Variants in PCDHGA5 observed in about 807,000 individuals in gnomAD.
The protein encoded by PCDHGA5 is protocadherin gamma subfamily A, 5.
PCDHGA5 carries 36 observed loss-of-function variants against 56.7 expected under a neutral mutation model. That is an observed-to-expected ratio of 0.64 (90% CI 0.49 to 0.84). The LOEUF is 0.84. Among genes scored for constraint, PCDHGA5 ranks in the 40% least tolerant of loss-of-function variants. The pLI, the probability that PCDHGA5 is intolerant of heterozygous loss-of-function variation, is 0.00. For missense variants in PCDHGA5, 1,305 were observed against 1,201.5 expected (o/e 1.09, Z -1.27); for synonymous variants, 563 against 520.2 (o/e 1.08, Z -1.12).
rs1289513674 is a variant in PCDHGA5 at position 141,432,063 on chromosome 5, A to T, written c.2422-62744A>T. On this transcript the variant is annotated intron_variant, in intron 1 of 3. Coordinates refer to ENST00000518069, the MANE Select transcript of PCDHGA5 (RefSeq NM_018918.3). The surrounding 1 kb of genome is among the most constrained non-coding windows in gnomAD (Gnocchi z 6.0). ...CGGGGAACCCCGCCCCTATCCACGG[A>T]AACTCATATCTCGCTGAACGTGGCA... The T allele has an allele frequency of 8.7e-6, 14 of 1,614,134 alleles. No individual in the cohort carries two copies. The highest frequency in any genetic ancestry group is 1.2e-5 in the Non-Finnish European group (14 of 1,180,028).
At position 141,486,114 on chromosome 5, in the gene PCDHGA5, A is replaced by G; in HGVS notation, c.2422-8693A>G. On this transcript the variant is annotated intron_variant, in intron 1 of 3. Coordinates refer to ENST00000518069, the MANE Select transcript of PCDHGA5 (RefSeq NM_018918.3). This position sits in a 1 kb window ranked among gnomAD's most constrained non-coding sequence, Gnocchi z 5.0. ...GGGCCCCTAGACTTTGAGAGTGAGAATTACTATGAATTTGATGTGCGGGCT... is the reference window on the plus strand; with the variant it reads ...GGGCCCCTAGACTTTGAGAGTGAGAGTTACTATGAATTTGATGTGCGGGCT... 3 of 1,614,082 alleles carry G rather than the reference A, an allele frequency of 1.9e-6. No individual in the cohort carries two copies. Among genetic ancestry groups the G allele is most frequent in the South Asian group, 2.2e-5 (2 of 91,072 alleles).
chr5:141,375,938 G>A (rs1772064836), intron 1 of PCDHGA5: 1 of 1,613,558 alleles, frequency 6.2e-7, no homozygotes, highest in African/African-American at 1.3e-5. Flanking sequence ...ACTTTTCTCA[G>A]TGGGCCTGCA....
rs932792949 is a variant in PCDHGA5, at chr5:141,364,731, G to A, written c.401G>A (p.Arg134Gln). 1 of 1,613,914 alleles carries A rather than the reference G, an allele frequency of 6.2e-7. No individual in the cohort carries two copies. Among genetic ancestry groups the A allele is most frequent in the Non-Finnish European group, 8.5e-7 (1 of 1,179,856 alleles). Residue 134 changes from arginine (R) to glutamine (Q), a missense_variant, in exon 1 of 4, where the codon CGG becomes CAG. Transcript: ENST00000518069. ...IDINDNFPRFRDEELKVKVNE... is the reference protein window; with the variant it reads ...IDINDNFPRFQDEELKVKVNE... ...ATTAATGATAACTTCCCGCGTTTCC[G>A]GGATGAAGAGTTAAAAGTAAAAGTT...
Position 141,485,187 on chromosome 5 carries a change from T to A in PCDHGA5, c.2422-9620T>A, listed in dbSNP as rs1325714839. ...CGGGCGGCAGCAATGCTCCGCAAGG[T>A]GAGAAGCTGGACAGAAATCTGGCGG... On this transcript the variant is annotated intron_variant, in intron 1 of 3. Transcript: ENST00000518069. This position sits in a 1 kb window ranked among gnomAD's most constrained non-coding sequence, Gnocchi z 5.7. 1 of 1,613,502 alleles carries A rather than the reference T, an allele frequency of 6.2e-7. No individual in the cohort carries two copies. The highest frequency in any genetic ancestry group is 1.7e-5 in the Admixed American group (1 of 60,018).
chr5:141,387,780 G>T, intron 1 of PCDHGA5: 2 of 1,461,128 alleles, frequency 1.4e-6, no homozygotes, highest in Admixed American at 2.6e-5. Flanking sequence ...TCTTGAACTG[G>T]AACTGCAACT....
intron 1 of PCDHGA5, among the ~76,000 whole-genome samples, chr5:141,494,469 C>T (rs2099754623): frequency 6.6e-6 from 1 of 152,114 alleles, no homozygotes; most frequent in Non-Finnish European, 1.5e-5. Flanking sequence ...GCACCTCTTC[C>T]CCCAGTTCCA....
chr5:141,498,119 T>C (rs780741291), intron 2 of PCDHGA5, among the ~76,000 whole-genome samples: 42 of 152,192 alleles, frequency 2.8e-4, no homozygotes, highest in Non-Finnish European at 4.8e-4. Flanking sequence ...AATAGGGATT[T>C]GATTTAGGGA....
chr5:141,384,210 C>T (rs1298573358), intron 1 of PCDHGA5: 2 of 1,613,886 alleles, frequency 1.2e-6, no homozygotes, highest in South Asian at 1.1e-5. Flanking sequence ...GGGAAACTCA[C>T]ATATTCATGC....
At position 141,433,290 on chromosome 5, in the gene PCDHGA5, C is replaced by T. The variant is rs186668064; in HGVS notation, c.2422-61517C>T. ...CTCACTGCAGCCTCAAACTCCTAGG[C>T]TCAAGCAATTATCCCACCTTTGCCT... On this transcript the variant is annotated intron_variant, in intron 1 of 3. Transcript: ENST00000518069. The T allele has an allele frequency of 1.6e-3, 1,738 of 1,107,746 alleles. 60 individuals carry two copies. In the Admixed American group the frequency reaches 0.041, roughly 26 times the overall value. 68.6% of individuals were successfully genotyped at this position (1,107,746 alleles called of 1,614,324 possible). A position where few individuals can be genotyped will look rare whatever the true frequency, so the allele number is the denominator to read the frequency against.
At chr5:141,472,980 C>CAAAAAAAAAAAAAAAAGAAAA (rs2099308501) in intron 1 of PCDHGA5, among the ~76,000 whole-genome samples, 1 of 86,106 alleles carries the variant, frequency 1.2e-5, no homozygotes, top group Non-Finnish European at 2.5e-5. Context: ...GAGTGAAACT[C>CAAAAAAAAAAAAAAAAGAAAA]AAAAAAAAAA....
At chr5:141,426,096 T>C (rs1296875718) in intron 1 of PCDHGA5, among the ~76,000 whole-genome samples, 6 of 152,230 alleles carry the variant, frequency 3.9e-5, no homozygotes, top group Non-Finnish European at 8.8e-5. Flanking sequence ...GATATTCTGT[T>C]CAGTCACAGA....
rs115453161 is a variant in PCDHGA5 at position 141,365,386 on chromosome 5, G to T, written c.1056G>T (p.Leu352=). ...CCCCCGAAGTGATCCTCACCTCTCT[G>T]ACCAGTTCGATCTCTGAAGACTGTC... ...DNAPEVILTS[L]TSSISEDCLP... is the part of the protein sequence containing the mutation. Residue 352 remains leucine (L), a synonymous_variant, in exon 1 of 4, where the codon CTG becomes CTT. Coordinates refer to ENST00000518069, the MANE Select transcript of PCDHGA5 (RefSeq NM_018918.3). The T allele has an allele frequency of 1.2e-6, 2 of 1,613,816 alleles. No homozygotes were observed. Among genetic ancestry groups the T allele is most frequent in the African/African-American group, 1.3e-5 (1 of 74,892 alleles).
intron 1 of PCDHGA5, chr5:141,374,219 G>C: frequency 6.2e-7 from 1 of 1,614,020 alleles, no homozygotes; most frequent in African/African-American, 1.3e-5. Flanking sequence ...CTCCTTCGTA[G>C]GCAACATCGT....
intron 1 of PCDHGA5, among the ~76,000 whole-genome samples, chr5:141,420,581 C>T (rs1024544346): frequency 2.6e-5 from 4 of 151,994 alleles, no homozygotes; most frequent in Admixed American, 6.5e-5. Flanking sequence ...TAATTGAAAC[C>T]CTGATGCTAC....
At chr5:141,423,885 A>G in intron 1 of PCDHGA5, 6 of 1,277,816 alleles carry the variant, frequency 4.7e-6, no homozygotes, top group Non-Finnish European at 5.9e-6. Flanking sequence ...ATCTTGGCAT[A>G]TTTTCTTTTG....
At chr5:141,371,720 C>G in intron 1 of PCDHGA5, 1 of 1,614,070 alleles carries the variant, frequency 6.2e-7, no homozygotes. Flanking sequence ...CTCTGCACAT[C>G]CTTGATGTCA....
Position 141,432,097 on chromosome 5 carries a change from C to A in PCDHGA5, c.2422-62710C>A. The A allele has an allele frequency of 1.9e-6, 3 of 1,614,184 alleles. No individual in the cohort carries two copies. Among genetic ancestry groups the A allele is most frequent in the Non-Finnish European group, 1.7e-6 (2 of 1,180,034 alleles). On this transcript the variant is annotated intron_variant, in intron 1 of 3. Transcript: ENST00000518069. This position sits in a 1 kb window ranked among gnomAD's most constrained non-coding sequence, Gnocchi z 6.0. ...TCTCGCTGAACGTGGCAGACACCAA[C>A]GACAACCCGCCGGTCTTCCCTCAGG...
rs1042973261 is a variant in PCDHGA5 at position 141,491,547 on chromosome 5, G to T, written c.2422-3260G>T. ...AGGTGACGCTGCGGCCCACAGACTC[G>T]CAGAGCCACTGCTACAGGACGTGCT... On this transcript the variant is annotated intron_variant, in intron 1 of 3. Transcript: ENST00000518069. The surrounding 1 kb of genome is among the most constrained non-coding windows in gnomAD (Gnocchi z 6.9). 6.8e-6 allele frequency: 11 copies of T among 1,613,856 alleles called. No homozygotes were observed. Among genetic ancestry groups the T allele is most frequent in the Middle Eastern group, 1.6e-4 (1 of 6,084 alleles).
At chr5:141,400,168 C>T (rs1042097050) in intron 1 of PCDHGA5, 5 of 1,614,088 alleles carry the variant, frequency 3.1e-6, no homozygotes, top group Non-Finnish European at 4.2e-6. Flanking sequence ...CTCTGACCCC[C>T]AGGCTGAGCT....
Sources: gnomAD v4.1 joint callset for allele counts (sites outside exome capture counted in the v4.1 genomes callset) on GRCh38, gnomAD v4.1.1 for gene constraint, Gnocchi (gnomAD v3.1) non-coding constraint, MANE v1.5 for transcripts, NCBI Gene and HGNC (gene_info 2026-07-23, HGNC 2026-07-21) for gene names.